Variants in FAM161A observed in about 807,000 individuals in gnomAD.
The protein encoded by FAM161A is protein FAM161A.
FAM161A carries 57 observed loss-of-function variants against 70.9 expected under a neutral mutation model. That is an observed-to-expected ratio of 0.80 (90% CI 0.65 to 1.00). FAM161A has a LOEUF of 1.00. FAM161A is among the 50% of genes least tolerant of loss of function. The probability of loss-of-function intolerance (pLI) is 0.00; values close to 1 mark genes in which losing one functional copy is unlikely to be tolerated. For synonymous variants in FAM161A, 299 were observed against 295.7 expected (o/e 1.01, Z -0.12); for missense variants, 880 against 836.0 (o/e 1.05, Z -0.65).
At chr2:61,813,269 C>G in the FAM161A span, among the ~76,000 whole-genome samples, 1 of 151,834 alleles carries the variant, frequency 6.6e-6, no homozygotes, top group Non-Finnish European at 1.5e-5. Flanking sequence ...GACCTTATCT[C>G]TACTAGTAAT....
At chr2:61,834,654 G>A (rs1392868643) in intron 5 of FAM161A, among the ~76,000 whole-genome samples, 1 of 151,974 alleles carries the variant, frequency 6.6e-6, no homozygotes, top group Non-Finnish European at 1.5e-5. Context: ...GTAGAGACAA[G>A]GTTTCACCAT....
chr2:61,838,702 T>A lies in FAM161A; in HGVS notation c.1587A>T (p.Arg529Ser). 1 of 1,606,256 alleles carries A rather than the reference T, an allele frequency of 6.2e-7. No individual in the cohort carries two copies. The highest frequency in any genetic ancestry group is 8.5e-7 in the Non-Finnish European group (1 of 1,176,948). Residue 529 changes from arginine to serine, a missense_variant, in exon 4 of 7, where the codon AGA becomes AGT. Arg to Ser is a moderately radical substitution (Grantham distance 110). Coordinates refer to ENST00000404929, the MANE Select transcript of FAM161A (RefSeq NM_001201543.2). ...CCAACATTTTCTTTTCCTCAAGTGATCTCCTGAGGGTAACAAACTAAGGCT... is the reference window on the plus strand; with the variant it reads ...CCAACATTTTCTTTTCCTCAAGTGAACTCCTGAGGGTAACAAACTAAGGCT... ...SSRGREQAVRRSLEEKKMLEE... is the reference protein window; with the variant it reads ...SSRGREQAVRSSLEEKKMLEE...
chr2:61,813,854 C>A, the FAM161A span, among the ~76,000 whole-genome samples: 1 of 152,088 alleles, frequency 6.6e-6, no homozygotes, highest in Non-Finnish European at 1.5e-5. Context: ...ATGGATTAAG[C>A]CCATCCTATA....
rs1310225498 is a variant in FAM161A, at chr2:61,840,426, G to C, written c.578C>G (p.Thr193Ser). ...KEYPRKNRMM[T>S]YAKELINNMW... ...ATTGTTGATGAGCTCCTTAGCATAG[G>C]TCATCATTCTGTTTTTCCTAGGATA... Residue 193 changes from threonine to serine, a missense_variant, in exon 3 of 7, where the codon ACC (threonine) becomes AGC (serine). Transcript: ENST00000404929. The C allele has an allele frequency of 6.2e-7, 1 of 1,614,020 alleles. No individual in the cohort carries two copies. The highest frequency in any genetic ancestry group is 8.5e-7 in the Non-Finnish European group (1 of 1,179,998).
chr2:61,836,461 A>T (rs1040616383), intron 4 of FAM161A: 5 of 182,056 alleles, frequency 2.7e-5, no homozygotes. Flanking sequence ...TGTCTCATTT[A>T]TAAGTGTATA....
the FAM161A span, among the ~76,000 whole-genome samples, chr2:61,806,680 CTT>C: frequency 1.5e-4 from 9 of 61,554 alleles, no homozygotes; most frequent in African/African-American, 5.6e-4. Flanking sequence ...CTTTCCACGT[CTT>C]TTTTTTTTTT....
chr2:61,834,523 C>T (rs1011446420), intron 5 of FAM161A, among the ~76,000 whole-genome samples: 8 of 150,826 alleles, frequency 5.3e-5, no homozygotes, highest in Admixed American at 2.7e-4. Flanking sequence ...AGTGCAATGA[C>T]GCAATCTCAG....
At chr2:61,837,474 T>G (rs369076216) in intron 4 of FAM161A, among the ~76,000 whole-genome samples, 1 of 152,178 alleles carries the variant, frequency 6.6e-6, no homozygotes, top group Non-Finnish European at 1.5e-5. Context: ...GTTGGTGTTA[T>G]GAAAAAGCTA....
rs887245753 is a variant in FAM161A, at chr2:61,825,379, C to T, written c.*1076G>A. ...GACTTGCCCTAGCCAAGTTATTATG[C>T]ACAATTTCATCATATAAAAAAAGGG... On this transcript the variant is annotated 3_prime_UTR_variant, in exon 7 of 7. Coordinates refer to ENST00000404929, the MANE Select transcript of FAM161A (RefSeq NM_001201543.2). The T allele has an allele frequency of 4.4e-6, 2 of 453,948 alleles. No homozygotes were observed. The highest frequency in any genetic ancestry group is 4.0e-5 in the African/African-American group (2 of 49,948). 28.1% of individuals were successfully genotyped at this position (453,948 alleles called of 1,614,324 possible).
At chr2:61,828,415 A>G (rs1402330407) in intron 5 of FAM161A, among the ~76,000 whole-genome samples, 1 of 152,078 alleles carries the variant, frequency 6.6e-6, no homozygotes, top group Non-Finnish European at 1.5e-5. Context: ...TGCAGCCTCA[A>G]CCTGCTGGGC....
At chr2:61,800,871 T>A in the FAM161A span, among the ~76,000 whole-genome samples, 1 of 152,090 alleles carries the variant, frequency 6.6e-6, no homozygotes. Context: ...TGGCGCAATC[T>A]CAGCTCACTG....
Position 61,842,125 on chromosome 2 carries a change from G to A in FAM161A, c.419C>T (p.Ser140Phe). Reference protein sequence around the residue: ...VIREDSLSDSSRSVSEKNSYH... With the variant: ...VIREDSLSDSFRSVSEKNSYH... ...TAACATTGAGTTACAAGCTTACCTG[G>A]AAGAGTCACTAAGAGAGTCTTCTCT... Residue 140 changes from serine (S) to phenylalanine (F), a missense_variant, in exon 2 of 7, where the codon TCC becomes TTC. Transcript: ENST00000404929. 6.5e-7 allele frequency: 1 copy of A among 1,539,080 alleles called. No homozygotes were observed.
In FAM161A at chr2:61,839,010, G is replaced by A. The variant is rs1055082354; in HGVS notation, c.1584-305C>T. Among the ~76,000 whole-genome samples, 66 of 151,810 alleles carry A rather than the reference G, an allele frequency of 4.3e-4. 1 individual carries two copies. Among genetic ancestry groups the A allele is most frequent in the African/African-American group, 1.5e-3 (64 of 41,388 alleles). On this transcript the variant is annotated intron_variant, in intron 3 of 6. Coordinates refer to ENST00000404929, the MANE Select transcript of FAM161A (RefSeq NM_001201543.2). ...CGATTCTCCTGCCTCAGCCTCCTGA[G>A]TAGCTGGGATTACAGGCACCCGCCA...
chr2:61,853,907 G>C lies in FAM161A; in HGVS notation c.135C>G (p.Ile45Met). ...CTTTCTCCTCCTCTTCGTCCTCCAA[G>C]ATCGCCTCCGCTGCCGCCAGGGCCT... ...PLKALAAAEA[I>M]LEDEEEEKVA... The change falls in exon 1 of 7, where the codon ATC becomes ATG. Residue 45 changes from isoleucine to methionine, a missense_variant. Physicochemically the swap from Ile to Met is conservative, Grantham distance 10. Transcript: ENST00000404929. 1 of 1,614,002 alleles carries C rather than the reference G, an allele frequency of 6.2e-7. No individual in the cohort carries two copies. The highest frequency in any genetic ancestry group is 8.5e-7 in the Non-Finnish European group (1 of 1,179,864).
In FAM161A at chr2:61,850,898, G is replaced by C. The variant is rs190388764; in HGVS notation, c.183+2961C>G. On this transcript the variant is annotated intron_variant, in intron 1 of 6. Coordinates refer to ENST00000404929, the MANE Select transcript of FAM161A (RefSeq NM_001201543.2). ...TGTTCATTTTTTGTTTTTTGAGATG[G>C]AGTTTCGCTCTTGTTGTCCAGGCTG... is the stretch of plus-strand genomic sequence containing the variant. Among the ~76,000 whole-genome samples the C allele has an allele frequency of 1.5e-4, 23 of 152,150 alleles. No individual in the cohort carries two copies. In the East Asian group the frequency reaches 3.3e-3, roughly 22 times the overall value.
chr2:61,818,965 A>C, the FAM161A span, among the ~76,000 whole-genome samples: 1 of 152,230 alleles, frequency 6.6e-6, no homozygotes, highest in Non-Finnish European at 1.5e-5. Context: ...AATGCAACAA[A>C]GTGACATTCT....
At chr2:61,804,610 G>C in the FAM161A span, among the ~76,000 whole-genome samples, 1 of 151,838 alleles carries the variant, frequency 6.6e-6, no homozygotes, top group Admixed American at 6.6e-5. Flanking sequence ...GTCTGAACCT[G>C]GGAGGTGGAG....
At position 61,854,038 on chromosome 2, in the gene FAM161A, C is replaced by T. The variant is rs759665974; in HGVS notation, c.4G>A (p.Ala2Thr). The T allele has an allele frequency of 1.2e-6, 2 of 1,605,674 alleles. No homozygotes were observed. The highest frequency in any genetic ancestry group is 8.5e-7 in the Non-Finnish European group (1 of 1,176,330). The part of the protein sequence containing the change: M[A>T]TSHRVAKLVA... ...AGCTTCGCCACTCGGTGGGAGGTGG[C>T]CATCGCCCCGCCTCCGAGGCCTGAG... is the stretch of plus-strand genomic sequence containing the variant. The change falls in exon 1 of 7, where the codon GCC (alanine) becomes ACC (threonine). Residue 2 changes from alanine (A) to threonine (T), a missense_variant. Physicochemically the swap from Ala to Thr is moderately conservative, Grantham distance 58. Transcript: ENST00000404929.
intron 4 of FAM161A, chr2:61,836,511 G>A (rs1672780503): frequency 1.3e-5 from 2 of 158,046 alleles, no homozygotes; most frequent in South Asian, 3.7e-4. Flanking sequence ...TATCTTCTCT[G>A]TAAGGAATTT....
Sources: allele counts gnomAD v4.1 joint callset (sites outside exome capture counted in the v4.1 genomes callset), GRCh38; gene constraint gnomAD v4.1.1; transcripts MANE v1.5; gene names NCBI Gene and HGNC (gene_info 2026-07-23, HGNC 2026-07-21).